The following GRXCR1 variants were observed in gnomAD, a reference collection of about 807,000 sequenced individuals.
The protein encoded by GRXCR1 is glutaredoxin domain-containing cysteine-rich protein 1.
GRXCR1 carries 27 observed loss-of-function variants against 27.3 expected under a neutral mutation model. The observed-to-expected ratio is 0.99, with a 90% CI of 0.73 to 1.37. GRXCR1 has a LOEUF of 1.37. Among genes scored for constraint, GRXCR1 ranks in the 40% most tolerant of loss-of-function variants. GRXCR1 has a pLI of 0.00. For synonymous variants in GRXCR1, 122 were observed against 131.1 expected (o/e 0.93, Z 0.47); for missense variants, 379 against 354.4 (o/e 1.07, Z -0.56).
intron 1 of GRXCR1, among the ~76,000 whole-genome samples, chr4:42,926,502 T>C (rs980415094): frequency 6.6e-5 from 10 of 152,026 alleles, no homozygotes; most frequent in African/African-American, 1.4e-4. Context: ...CTGTTTTTTT[T>C]TTCCAACTTT....
chr4:42,929,898 CA>C (rs1366546564), intron 1 of GRXCR1, among the ~76,000 whole-genome samples: 1 of 151,894 alleles, frequency 6.6e-6, no homozygotes, highest in African/African-American at 2.4e-5. Flanking sequence ...TCCTTTGAGC[CA>C]ATTCTATTAC....
intron 2 of GRXCR1, among the ~76,000 whole-genome samples, chr4:43,014,652 T>C (rs1331155785): frequency 6.6e-6 from 1 of 152,158 alleles, no homozygotes; most frequent in African/African-American, 2.4e-5. Context: ...CTCAATCCTC[T>C]ATGTATCTGG....
At chr4:42,980,043 T>A (rs1292103613) in intron 2 of GRXCR1, among the ~76,000 whole-genome samples, 1 of 151,188 alleles carries the variant, frequency 6.6e-6, no homozygotes, top group Non-Finnish European at 1.5e-5. Flanking sequence ...ATTTTAGTCC[T>A]CTTCTTTTTT....
intron 2 of GRXCR1, among the ~76,000 whole-genome samples, chr4:42,969,127 T>C (rs921680622): frequency 6.6e-6 from 1 of 152,154 alleles, no homozygotes; most frequent in African/African-American, 2.4e-5. Context: ...ATGGGAGTGT[T>C]ATTATAATTA....
Position 42,999,889 on chromosome 4 carries a change from G to T in GRXCR1, c.628-20465G>T, listed in dbSNP as rs1052904315. 5.3e-5 allele frequency among the ~76,000 whole-genome samples: 8 copies of T among 152,182 alleles called. No individual in the cohort carries two copies. In the South Asian group the frequency reaches 1.7e-3, roughly 31 times the overall value. ...TCCTAAGATTGTTTGCTATCAGATG[G>T]TTGCTGGAATTTAGTTTCTGGTTAA... On this transcript the variant is annotated intron_variant, in intron 2 of 3. Transcript: ENST00000399770.
chr4:43,016,252 A>G (rs1712928118), intron 2 of GRXCR1, among the ~76,000 whole-genome samples: 1 of 152,210 alleles, frequency 6.6e-6, no homozygotes, highest in Non-Finnish European at 1.5e-5. Context: ...TTTATTGAAC[A>G]TAGCTTTTCT....
intron 2 of GRXCR1, among the ~76,000 whole-genome samples, chr4:42,965,631 C>G (rs559298802): frequency 6.6e-6 from 1 of 151,996 alleles, no homozygotes; most frequent in Non-Finnish European, 1.5e-5. Context: ...GTGTTTTAAA[C>G]AGACACATGA....
At chr4:43,005,358 G>T (rs889184283) in intron 2 of GRXCR1, among the ~76,000 whole-genome samples, 1 of 152,138 alleles carries the variant, frequency 6.6e-6, no homozygotes, top group Non-Finnish European at 1.5e-5. Flanking sequence ...AACGAGTTTA[G>T]TTTCTGACAT....
chr4:42,947,491 G>A (rs572026936), intron 1 of GRXCR1, among the ~76,000 whole-genome samples: 1 of 152,258 alleles, frequency 6.6e-6, no homozygotes, highest in African/African-American at 2.4e-5. Context: ...TTGACATAAT[G>A]CTTGGAATAT....
At chr4:43,001,509 T>C (rs1304452281) in intron 2 of GRXCR1, among the ~76,000 whole-genome samples, 1 of 152,188 alleles carries the variant, frequency 6.6e-6, no homozygotes, top group Non-Finnish European at 1.5e-5. Context: ...TAAATTTATG[T>C]GGTGTTTTCC....
intron 1 of GRXCR1, among the ~76,000 whole-genome samples, chr4:42,932,905 A>G (rs1287650540): frequency 2.6e-5 from 4 of 151,514 alleles, no homozygotes; most frequent in South Asian, 2.1e-4. Context: ...GGTGGAGAGG[A>G]AATAAGGGGA....
chr4:42,911,526 A>T (rs1284086236), intron 1 of GRXCR1, among the ~76,000 whole-genome samples: 2 of 152,082 alleles, frequency 1.3e-5, no homozygotes, highest in African/African-American at 4.8e-5. Context: ...AGCAGAAAAT[A>T]TATATTCTCT....
At chr4:42,936,549 G>C (rs908856712) in intron 1 of GRXCR1, among the ~76,000 whole-genome samples, 1 of 151,714 alleles carries the variant, frequency 6.6e-6, no homozygotes, top group African/African-American at 2.4e-5. Context: ...AATAAGTGTG[G>C]TACATTTGTC....
In GRXCR1 at chr4:42,972,876, A is replaced by G. The variant is rs980739010; in HGVS notation, c.627+9742A>G. ...TTCTACTCTTTAGCAGCATATTTACATGCTGAATTACTTCACCACTTGAAA... is the reference window on the plus strand; with the variant it reads ...TTCTACTCTTTAGCAGCATATTTACGTGCTGAATTACTTCACCACTTGAAA... On this transcript the variant is annotated intron_variant, in intron 2 of 3. Transcript: ENST00000399770. Among the ~76,000 whole-genome samples the G allele has an allele frequency of 2.0e-5, 3 of 152,148 alleles. 1 individual carries two copies. The highest frequency in any genetic ancestry group is 7.2e-5 in the African/African-American group (3 of 41,460).
intron 1 of GRXCR1, 90 bp from the exon 2 acceptor site, chr4:42,962,802 T>A: frequency 6.8e-7 from 1 of 1,468,348 alleles, no homozygotes; most frequent in Non-Finnish European, 9.5e-7. Context: ...TTTTATTGCA[T>A]GGCTTTAACG....
intron 1 of GRXCR1, among the ~76,000 whole-genome samples, chr4:42,897,355 G>T (rs1243053620): frequency 2.6e-5 from 4 of 151,878 alleles, no homozygotes; most frequent in Admixed American, 6.6e-5. Context: ...TTAGAATATT[G>T]TACTGTCATT....
At chr4:42,961,328 A>G (rs1023194186) in intron 1 of GRXCR1, among the ~76,000 whole-genome samples, 1 of 151,908 alleles carries the variant, frequency 6.6e-6, no homozygotes, top group African/African-American at 2.4e-5. Context: ...TAGTTGTAGT[A>G]AATTTGCAGT....
In GRXCR1 at chr4:43,002,696, A is replaced by G. The variant is rs1388974491; in HGVS notation, c.628-17658A>G. On this transcript the variant is annotated intron_variant, in intron 2 of 3. Coordinates refer to ENST00000399770, the MANE Select transcript of GRXCR1 (RefSeq NM_001080476.3). ...GTGATTTATCCCTGAATACTGGGCT[A>G]CATGTATCAATGCTATGCTTTTTCC... Among the ~76,000 whole-genome samples the G allele has an allele frequency of 2.0e-5, 3 of 148,342 alleles. No homozygotes were observed. In the Admixed American group the frequency reaches 2.0e-4, roughly 10 times the overall value.
intron 1 of GRXCR1, among the ~76,000 whole-genome samples, chr4:42,918,383 G>T (rs937104178): frequency 1.3e-5 from 2 of 152,014 alleles, no homozygotes; most frequent in African/African-American, 4.8e-5. Flanking sequence ...TTTTGGAGGG[G>T]ACCAAATATT....
Sources: allele counts gnomAD v4.1 joint callset (sites outside exome capture counted in the v4.1 genomes callset), GRCh38; gene constraint gnomAD v4.1.1; transcripts MANE v1.5; gene names NCBI Gene and HGNC (gene_info 2026-07-23, HGNC 2026-07-21).